The following CIMAP3 variants were observed in gnomAD, a reference collection of about 807,000 sequenced individuals.
The protein encoded by CIMAP3 is ciliary microtubule-associated protein 3.
the CIMAP3 span, among the ~76,000 whole-genome samples, chr1:111,341,297 A>ATG: frequency 3.4e-4 from 52 of 152,046 alleles, no homozygotes; most frequent in African/African-American, 1.2e-3. Flanking sequence ...AGCATGGCAC[A>ATG]TGTATACATA....
chr1:111,338,387 CA>C, the CIMAP3 span, among the ~76,000 whole-genome samples: 1 of 151,362 alleles, frequency 6.6e-6, no homozygotes, highest in Non-Finnish European at 1.5e-5. Context: ...AAAAACCCTT[CA>C]AAAAATCAAT....
the CIMAP3 span, chr1:111,350,372 C>G: frequency 0.32 from 203,999 of 637,354 alleles, 34,182 homozygotes; most frequent in East Asian, 0.41. Flanking sequence ...GTATATGAAT[C>G]TGAGGAACTT....
At chr1:111,344,613 G>A in the CIMAP3 span, among the ~76,000 whole-genome samples, 1 of 152,142 alleles carries the variant, frequency 6.6e-6, no homozygotes, top group East Asian at 1.9e-4. Context: ...GTTCTCAGCT[G>A]GAGAATTAGT....
chr1:111,346,924 T>C, the CIMAP3 span: 2 of 1,613,938 alleles, frequency 1.2e-6, no homozygotes, highest in African/African-American at 2.7e-5. Context: ...TGCGGATAAC[T>C]ACCCTTTTGG....
chr1:111,351,165 A>ATTTT, the CIMAP3 span: 2 of 763,804 alleles, frequency 2.6e-6, no homozygotes, highest in South Asian at 3.2e-5. Context: ...TATAATGTAC[A>ATTTT]GTTTTTTTTT....
the CIMAP3 span, among the ~76,000 whole-genome samples, chr1:111,335,127 CAAAAAAAA>C: frequency 3.4e-5 from 1 of 29,336 alleles, no homozygotes; most frequent in South Asian, 2.2e-3. Context: ...GTCTCTGTCT[CAAAAAAAA>C]AAAAAAAAAA....
the CIMAP3 span, among the ~76,000 whole-genome samples, chr1:111,341,288 G>C: frequency 6.6e-6 from 1 of 151,706 alleles, no homozygotes; most frequent in Non-Finnish European, 1.5e-5. Context: ...CAGCACACCA[G>C]CATGGCACAT....
At chr1:111,335,127 C>CAAAAAAAAAAAAAAAAAAAAA in the CIMAP3 span, among the ~76,000 whole-genome samples, 1 of 29,318 alleles carries the variant, frequency 3.4e-5, no homozygotes, top group Non-Finnish European at 6.1e-5. Flanking sequence ...GTCTCTGTCT[C>CAAAAAAAAAAAAAAAAAAAAA]AAAAAAAAAA....
chr1:111,331,152 T>C, the CIMAP3 span, among the ~76,000 whole-genome samples: 4 of 152,238 alleles, frequency 2.6e-5, no homozygotes, highest in Non-Finnish European at 5.9e-5. Context: ...TCTTTGTCTT[T>C]TACTTTTGAC....
chr1:111,345,839 C>A, the CIMAP3 span, among the ~76,000 whole-genome samples: 1 of 151,948 alleles, frequency 6.6e-6, no homozygotes, highest in East Asian at 1.9e-4. Context: ...TTTTTTTCTT[C>A]GGTTATTATT....
At chr1:111,336,363 C>T in the CIMAP3 span, among the ~76,000 whole-genome samples, 33 of 152,270 alleles carry the variant, frequency 2.2e-4, no homozygotes, top group Middle Eastern at 3.4e-3. Context: ...ATGACTTTGA[C>T]GAGTTGAGAG....
the CIMAP3 span, among the ~76,000 whole-genome samples, chr1:111,331,276 A>G: frequency 6.6e-6 from 1 of 152,154 alleles, no homozygotes; most frequent in Non-Finnish European, 1.5e-5. Context: ...GTTTTTTGAT[A>G]TTATTTCATT....
the CIMAP3 span, among the ~76,000 whole-genome samples, chr1:111,334,703 T>A: frequency 1.3e-5 from 2 of 152,246 alleles, no homozygotes; most frequent in Non-Finnish European, 2.9e-5. Context: ...ATTTAAATGA[T>A]AATTTTTAAA....
chr1:111,347,829 G>A, the CIMAP3 span: 1 of 1,275,100 alleles, frequency 7.8e-7, no homozygotes, highest in Non-Finnish European at 1.1e-6. Flanking sequence ...GCACAGGAGT[G>A]CAAAGGGCAG....
the CIMAP3 span, among the ~76,000 whole-genome samples, chr1:111,345,765 G>T: frequency 6.6e-6 from 1 of 152,098 alleles, no homozygotes; most frequent in East Asian, 1.9e-4. Context: ...CCTAAAAATC[G>T]AGTGAAAACA....
At chr1:111,331,878 G>T in the CIMAP3 span, among the ~76,000 whole-genome samples, 6,914 of 152,038 alleles carry the variant, frequency 0.045, 325 homozygotes, top group African/African-American at 0.11. Context: ...TTATATGAAT[G>T]GGTCTTGGGA....
the CIMAP3 span, among the ~76,000 whole-genome samples, chr1:111,331,108 T>C: frequency 6.6e-5 from 10 of 152,244 alleles, no homozygotes; most frequent in South Asian, 4.1e-4. Context: ...TGTGTGTGAC[T>C]TGATACTTTT....
chr1:111,349,981 A>G, the CIMAP3 span: 1 of 674,594 alleles, frequency 1.5e-6, no homozygotes, highest in East Asian at 2.5e-5. Context: ...GCTTAATTAA[A>G]AAGCTAATCA....
the CIMAP3 span, among the ~76,000 whole-genome samples, chr1:111,326,041 T>C: frequency 2.0e-5 from 3 of 152,178 alleles, no homozygotes; most frequent in African/African-American, 7.2e-5. Context: ...CATTATATTT[T>C]ACCTATTTAT....
Sources: gnomAD v4.1 joint callset for allele counts (sites outside exome capture counted in the v4.1 genomes callset) on GRCh38, gnomAD v4.1.1 for gene constraint, MANE v1.5 for transcripts, NCBI Gene and HGNC (gene_info 2026-07-23, HGNC 2026-07-21) for gene names.